Variants in DLG1 observed in about 807,000 individuals in gnomAD.
DLG1 encodes disks large homolog 1.
In DLG1, 42 loss-of-function variants were observed where a neutral mutation model predicts 123.4. The observed-to-expected ratio is 0.34, with a 90% CI of 0.27 to 0.44. DLG1 has a LOEUF of 0.44. DLG1 is among the 20% of genes least tolerant of loss of function. The probability of loss-of-function intolerance (pLI) is 1.00; values close to 1 mark genes in which losing one functional copy is unlikely to be tolerated. For missense variants in DLG1, 942 were observed against 1,082.6 expected (o/e 0.87, Z 1.82); for synonymous variants, 317 against 356.2 (o/e 0.89, Z 1.24).
intron 4 of DLG1, among the ~76,000 whole-genome samples, chr3:197,267,835 G>T (rs928785315): frequency 6.6e-6 from 1 of 152,042 alleles, no homozygotes; most frequent in African/African-American, 2.4e-5. Context: ...CTACTGAGAA[G>T]TACTTTTTTC....
intron 4 of DLG1, among the ~76,000 whole-genome samples, chr3:197,238,224 CA>C (rs1747029535): frequency 6.6e-6 from 1 of 152,104 alleles, no homozygotes; most frequent in African/African-American, 2.4e-5. Flanking sequence ...TCTCATAATA[CA>C]AAAAATGTCG....
chr3:197,299,017 AACTCTG>A (rs1275570781), upstream of DLG1: 1 of 153,182 alleles, frequency 6.5e-6, no homozygotes, highest in Non-Finnish European at 1.5e-5. Context: ...GTGTTACCCA[AACTCTG>A]ACGGTCCCTT....
intron 23 of DLG1, among the ~76,000 whole-genome samples, chr3:197,053,739 A>G (rs1035281373): frequency 6.9e-6 from 1 of 145,946 alleles, no homozygotes; most frequent in Non-Finnish European, 1.5e-5. Context: ...GAGCCACTGC[A>G]CTCCAGCCTG....
intron 22 of DLG1, among the ~76,000 whole-genome samples, chr3:197,064,289 G>A (rs1362178226): frequency 1.3e-5 from 2 of 151,740 alleles, no homozygotes; most frequent in Non-Finnish European, 2.9e-5. Context: ...CACCTCCCAG[G>A]TACAAGCAAT....
At chr3:197,291,354 C>T (rs749774192) in intron 3 of DLG1, among the ~76,000 whole-genome samples, 1 of 149,004 alleles carries the variant, frequency 6.7e-6, no homozygotes, top group Admixed American at 6.7e-5. Flanking sequence ...TAGCAAGAGA[C>T]TAAAATGTAA....
intron 4 of DLG1, among the ~76,000 whole-genome samples, chr3:197,223,027 T>G (rs902142564): frequency 6.6e-6 from 1 of 152,176 alleles, no homozygotes; most frequent in Non-Finnish European, 1.5e-5. Context: ...TATTTTGAAA[T>G]AGCTAATTCT....
chr3:197,118,985 C>A (rs1774837703), intron 12 of DLG1, among the ~76,000 whole-genome samples: 1 of 152,070 alleles, frequency 6.6e-6, no homozygotes, highest in Admixed American at 6.6e-5. Context: ...GCCTGGGCAA[C>A]AGAGTAAGAC....
chr3:197,073,782 G>A (rs1444923525), intron 18 of DLG1, among the ~76,000 whole-genome samples: 1 of 151,976 alleles, frequency 6.6e-6, no homozygotes, highest in Non-Finnish European at 1.5e-5. Context: ...CATAGGTTGT[G>A]TGAATTTACA....
intron 14 of DLG1, among the ~76,000 whole-genome samples, chr3:197,092,443 A>G (rs1436381442): frequency 6.6e-6 from 1 of 152,158 alleles, no homozygotes; most frequent in African/African-American, 2.4e-5. Context: ...ACAGTTAACT[A>G]TTTCCTGTAG....
intron 4 of DLG1, among the ~76,000 whole-genome samples, chr3:197,268,297 T>G (rs892072635): frequency 1.3e-5 from 2 of 152,248 alleles, no homozygotes; most frequent in African/African-American, 4.8e-5. Context: ...CTAACCAATG[T>G]GACATACTTA....
chr3:197,093,868 G>A (rs1759179381), intron 14 of DLG1, among the ~76,000 whole-genome samples: 1 of 152,084 alleles, frequency 6.6e-6, no homozygotes, highest in African/African-American at 2.4e-5. Flanking sequence ...ATCGACAGGT[G>A]GAATCTAATT....
At chr3:197,260,745 A>G (rs1758977921) in intron 4 of DLG1, among the ~76,000 whole-genome samples, 1 of 126,990 alleles carries the variant, frequency 7.9e-6, no homozygotes, top group African/African-American at 3.1e-5. Flanking sequence ...TCAAATGACA[A>G]CCACCAAAAA....
chr3:197,107,259 T>C (rs1766999547), intron 13 of DLG1, among the ~76,000 whole-genome samples: 1 of 152,168 alleles, frequency 6.6e-6, no homozygotes, highest in Non-Finnish European at 1.5e-5. Flanking sequence ...AAAATGGATA[T>C]ACTGGCCAGG....
intron 5 of DLG1, among the ~76,000 whole-genome samples, chr3:197,164,380 G>C (rs925540284): frequency 2.0e-5 from 3 of 151,968 alleles, no homozygotes; most frequent in Non-Finnish European, 4.4e-5. Context: ...CTGGGCAACA[G>C]AGTGAGACTC....
intron 3 of DLG1, among the ~76,000 whole-genome samples, chr3:197,294,333 A>T (rs1776321187): frequency 6.6e-6 from 1 of 152,292 alleles, no homozygotes; most frequent in African/African-American, 2.4e-5. Context: ...AGATTCACAA[A>T]TATAAACTTA....
chr3:197,290,831 G>C (rs1774467056), intron 3 of DLG1, among the ~76,000 whole-genome samples: 1 of 145,816 alleles, frequency 6.9e-6, no homozygotes, highest in African/African-American at 2.5e-5. Context: ...CTGGGAAGCA[G>C]AGGTTGCAGT....
At chr3:197,171,371 G>A (rs552580702) in intron 5 of DLG1, among the ~76,000 whole-genome samples, 6 of 151,918 alleles carry the variant, frequency 3.9e-5, no homozygotes, top group Admixed American at 6.6e-5. Flanking sequence ...CACATAAGCC[G>A]GTATAGTAAA....
At chr3:197,158,774 A>G (rs1797576318) in intron 5 of DLG1, among the ~76,000 whole-genome samples, 1 of 152,114 alleles carries the variant, frequency 6.6e-6, no homozygotes, top group Non-Finnish European at 1.5e-5. Context: ...AGGCCCCTAG[A>G]GGACAGAGAC....
chr3:197,243,848 G>A (rs1214231749), intron 4 of DLG1, among the ~76,000 whole-genome samples: 7 of 152,190 alleles, frequency 4.6e-5, no homozygotes, highest in African/African-American at 1.4e-4. Context: ...CGTACCCCTC[G>A]TGGGACTCCA....
Sources: allele counts gnomAD v4.1 joint callset (sites outside exome capture counted in the v4.1 genomes callset), GRCh38; gene constraint gnomAD v4.1.1; transcripts MANE v1.5; gene names NCBI Gene and HGNC (gene_info 2026-07-23, HGNC 2026-07-21).